The following CSMD1 variants were observed in gnomAD, a reference collection of about 807,000 sequenced individuals.
CSMD1 encodes CUB and Sushi multiple domains 1.
Under a neutral mutation model 417.5 loss-of-function variants are expected in CSMD1, and 213 were observed. That is an observed-to-expected ratio of 0.51 (90% confidence interval 0.46 to 0.57). CSMD1 has a LOEUF of 0.57. CSMD1 is among the 20% of genes least tolerant of loss of function. CSMD1 has a pLI of 0.00. For synonymous variants in CSMD1, 2,862 were observed against 1,736.8 expected, an observed-to-expected ratio of 1.65 and a Z score of -16.11; for missense variants, 6,923 against 4,529.7, an observed-to-expected ratio of 1.53 and a Z score of -15.17.
At chr8:3,696,415 C>T (rs1454354484) in intron 7 of CSMD1, among the ~76,000 whole-genome samples, 3 of 152,200 alleles carry the variant, frequency 2.0e-5, no homozygotes, top group Non-Finnish European at 2.9e-5. Flanking sequence ...TAGTTTTCTT[C>T]TCTGACATAA....
intron 2 of CSMD1, among the ~76,000 whole-genome samples, chr8:4,554,832 G>A (rs183491598): frequency 9.8e-5 from 15 of 152,292 alleles, no homozygotes; most frequent in Non-Finnish European, 1.0e-4. Context: ...TTCTGAGTAA[G>A]CATTGATGGG....
intron 2 of CSMD1, among the ~76,000 whole-genome samples, chr8:4,431,321 T>G (rs1797861335): frequency 6.6e-6 from 1 of 152,216 alleles, no homozygotes; most frequent in Non-Finnish European, 1.5e-5. Flanking sequence ...CTTCGTGATT[T>G]TCTTAAGGGT....
At chr8:4,240,623 A>G (rs146631274) in intron 3 of CSMD1, among the ~76,000 whole-genome samples, 2 of 152,168 alleles carry the variant, frequency 1.3e-5, no homozygotes, top group African/African-American at 2.4e-5. Flanking sequence ...TGGCTATCCA[A>G]TCTCATTCCC....
intron 3 of CSMD1, among the ~76,000 whole-genome samples, chr8:4,316,390 T>C (rs981916033): frequency 6.6e-6 from 1 of 152,176 alleles, no homozygotes; most frequent in African/African-American, 2.4e-5. Flanking sequence ...CCTCTGTTAA[T>C]TCTTGGACTT....
chr8:4,064,231 G>C (rs1336596557), intron 3 of CSMD1, among the ~76,000 whole-genome samples: 1 of 152,138 alleles, frequency 6.6e-6, no homozygotes, highest in Admixed American at 6.5e-5. Flanking sequence ...CATCCCAGTG[G>C]TCATTCGCTG....
intron 1 of CSMD1, among the ~76,000 whole-genome samples, chr8:4,771,912 C>T (rs1329948346): frequency 6.6e-6 from 1 of 152,174 alleles, no homozygotes; most frequent in Non-Finnish European, 1.5e-5. Flanking sequence ...ATCTGCCCCT[C>T]GGCTGCTACT....
At chr8:4,424,474 A>G (rs1034069828) in intron 2 of CSMD1, among the ~76,000 whole-genome samples, 4 of 152,078 alleles carry the variant, frequency 2.6e-5, no homozygotes, top group African/African-American at 9.7e-5. Flanking sequence ...AATGCAAATT[A>G]AAACCACAGA....
intron 25 of CSMD1, among the ~76,000 whole-genome samples, chr8:3,306,029 G>T (rs140790037): frequency 1.9e-3 from 292 of 152,156 alleles, no homozygotes; most frequent in African/African-American, 6.2e-3. Context: ...ATCCTAAGAT[G>T]TTTGCATTCT....
chr8:3,348,586 T>G (rs143668612), intron 21 of CSMD1, among the ~76,000 whole-genome samples: 1 of 152,186 alleles, frequency 6.6e-6, no homozygotes, highest in East Asian at 1.9e-4. Context: ...TTTTCCTTCA[T>G]TGACATCTTA....
At chr8:3,080,228 T>A (rs1036473786) in intron 49 of CSMD1, among the ~76,000 whole-genome samples, 5 of 152,208 alleles carry the variant, frequency 3.3e-5, no homozygotes, top group Non-Finnish European at 5.9e-5. Context: ...CCAGTTTAAC[T>A]GGATCTTTGA....
At chr8:3,438,900 G>C (rs1221742495) in intron 12 of CSMD1, among the ~76,000 whole-genome samples, 2 of 151,664 alleles carry the variant, frequency 1.3e-5, no homozygotes, top group Admixed American at 1.3e-4. Flanking sequence ...TGGATCACCT[G>C]AGGTTAGGAG....
At chr8:4,901,451 T>A (rs765477991) in intron 1 of CSMD1, among the ~76,000 whole-genome samples, 1 of 152,178 alleles carries the variant, frequency 6.6e-6, no homozygotes. Flanking sequence ...ATTTAATACA[T>A]AGTTGAGAAT....
intron 7 of CSMD1, among the ~76,000 whole-genome samples, chr8:3,684,631 T>G (rs902478852): frequency 6.8e-6 from 1 of 147,288 alleles, no homozygotes; most frequent in Non-Finnish European, 1.5e-5. Flanking sequence ...GGAGTCTCGC[T>G]CTCTCGCCCA....
At chr8:4,476,714 C>T (rs1022547858) in intron 2 of CSMD1, among the ~76,000 whole-genome samples, 1 of 152,128 alleles carries the variant, frequency 6.6e-6, no homozygotes, top group African/African-American at 2.4e-5. Flanking sequence ...TCACCACTCA[C>T]TTTATGAATA....
At chr8:4,149,092 T>C (rs1282312383) in intron 3 of CSMD1, among the ~76,000 whole-genome samples, 1 of 152,186 alleles carries the variant, frequency 6.6e-6, no homozygotes, top group South Asian at 2.1e-4. Context: ...GCCTCCCAAG[T>C]AGCTGGGATT....
chr8:3,051,815 G>A (rs1811837496), intron 50 of CSMD1, among the ~76,000 whole-genome samples: 1 of 152,138 alleles, frequency 6.6e-6, no homozygotes, highest in African/African-American at 2.4e-5. Flanking sequence ...AATTTAGTGT[G>A]TATGTGAGTG....
At chr8:4,306,744 C>A (rs1429646354) in intron 3 of CSMD1, among the ~76,000 whole-genome samples, 1 of 152,100 alleles carries the variant, frequency 6.6e-6, no homozygotes, top group Non-Finnish European at 1.5e-5. Context: ...TGCCCGACCG[C>A]AGCAGGGTAG....
At chr8:4,956,671 C>T (rs2117311061) in intron 1 of CSMD1, among the ~76,000 whole-genome samples, 1 of 151,954 alleles carries the variant, frequency 6.6e-6, no homozygotes, top group African/African-American at 2.4e-5. Flanking sequence ...AGAAAACAAA[C>T]AAGTTGATAT....
intron 2 of CSMD1, among the ~76,000 whole-genome samples, chr8:4,586,068 G>A (rs1368170898): frequency 2.0e-5 from 3 of 152,150 alleles, no homozygotes; most frequent in Non-Finnish European, 4.4e-5. Flanking sequence ...GAGTACACAT[G>A]ATATTTTCAC....
Sources: gnomAD v4.1 joint callset for allele counts (sites outside exome capture counted in the v4.1 genomes callset) on GRCh38, gnomAD v4.1.1 for gene constraint, MANE v1.5 for transcripts, NCBI Gene and HGNC (gene_info 2026-07-23, HGNC 2026-07-21) for gene names.